Variants in ZNF483 observed in about 807,000 individuals in gnomAD.
ZNF483 encodes zinc finger protein 483.
Under a neutral mutation model 28.6 loss-of-function variants are expected in ZNF483, and 9 were observed. The ratio of observed to expected loss-of-function variants is 0.32; its 90% CI spans 0.19 to 0.55. The LOEUF (loss-of-function observed/expected upper bound fraction) is 0.55, where lower values mean the gene tolerates loss of function less well. ZNF483 is among the 20% of genes least tolerant of loss of function. The pLI, the probability that ZNF483 is intolerant of heterozygous loss-of-function variation, is 0.93. For synonymous variants in ZNF483, 322 were observed against 306.2 expected, an observed-to-expected ratio of 1.05 and a Z score of -0.54; for missense variants, 675 against 871.7, an observed-to-expected ratio of 0.77 and a Z score of 2.84.
chr9:111,541,627 A>C (rs1454505336), intron 5 of ZNF483, 30 bp from the exon 6 acceptor site: 2 of 1,539,378 alleles, frequency 1.3e-6, no homozygotes, highest in East Asian at 4.5e-5. Context: ...TCTTGCAAAC[A>C]GGAAATATTC....
In ZNF483 at chr9:111,543,029, A is replaced by C; in HGVS notation, c.2094A>C (p.Ala698=). ...CCTATGAGTGTAACTATTGTGGTGCAACCTTTAGTCGAAGCTCAATCCTTG... is the reference window on the plus strand; with the variant it reads ...CCTATGAGTGTAACTATTGTGGTGCCACCTTTAGTCGAAGCTCAATCCTTG... ...EKPYECNYCG[A]TFSRSSILVE... The change falls in exon 6 of 6, where the codon GCA becomes GCC. Residue 698 remains alanine (A), a synonymous_variant. Coordinates refer to ENST00000309235, the MANE Select transcript of ZNF483 (RefSeq NM_133464.5). 1.2e-6 allele frequency: 2 copies of C among 1,614,206 alleles called. No homozygotes were observed.
intron 5 of ZNF483, chr9:111,539,349 G>A (rs1002682378): frequency 2.3e-6 from 1 of 427,514 alleles, no homozygotes; most frequent in South Asian, 1.7e-5. Context: ...ACCAGAGATA[G>A]TACTCAGGGG....
chr9:111,525,621 G>A (rs1401960163), intron 1 of ZNF483, among the ~76,000 whole-genome samples: 3 of 152,172 alleles, frequency 2.0e-5, no homozygotes, highest in African/African-American at 7.2e-5. Flanking sequence ...CCAAAAATGT[G>A]TCCAGACATT....
At position 111,553,633 on chromosome 9, in the gene ZNF483, G is replaced by T. The variant is rs1016521101; in HGVS notation, c.*10463G>T. Among the ~76,000 whole-genome samples the T allele has an allele frequency of 2.6e-5, 4 of 152,202 alleles. No individual in the cohort carries two copies. The highest frequency in any genetic ancestry group is 2.6e-4 in the Admixed American group (4 of 15,278). On this transcript the variant is annotated 3_prime_UTR_variant, in exon 6 of 6. Transcript: ENST00000309235. ...ATGTGTAACACTAGTGATAATGCAC[G>T]TTCCTGTACAAGCATTATAATACAA...
chr9:111,538,110 A>G (rs147620559), intron 5 of ZNF483, among the ~76,000 whole-genome samples: 4 of 150,742 alleles, frequency 2.7e-5, no homozygotes, highest in African/African-American at 9.8e-5. Context: ...AATACATGAC[A>G]TACATTTTTG....
chr9:111,561,050 T>C (rs867939954), intron 5 of ZNF483, among the ~76,000 whole-genome samples: 12 of 58,932 alleles, frequency 2.0e-4, no homozygotes, highest in Middle Eastern at 0.014. Context: ...ACCACTGCAC[T>C]CCAGCCTGGG....
chr9:111,563,084 C>A (rs778275442), intron 5 of ZNF483: 2 of 1,602,758 alleles, frequency 1.2e-6, no homozygotes, highest in Admixed American at 3.5e-5. Context: ...ATTAACTAAT[C>A]ATCTAAATGG....
At position 111,547,910 on chromosome 9, in the gene ZNF483, A is replaced by C. The variant is rs904310743; in HGVS notation, c.*4740A>C. ...CCTTTCCACATCATGTATTCTTTGC[A>C]CTCTTGTCAAAGATCATTTGACCAT... On this transcript the variant is annotated 3_prime_UTR_variant, in exon 6 of 6. Transcript: ENST00000309235. 6.6e-6 allele frequency among the ~76,000 whole-genome samples: 1 copy of C among 151,818 alleles called. No homozygotes were observed. Among genetic ancestry groups the C allele is most frequent in the Non-Finnish European group, 1.5e-5 (1 of 67,952 alleles).
chr9:111,571,625 A>G (rs1828825188), intron 5 of ZNF483, among the ~76,000 whole-genome samples: 1 of 151,776 alleles, frequency 6.6e-6, no homozygotes, highest in Non-Finnish European at 1.5e-5. Context: ...CTATAGGTGC[A>G]TGCCACCACA....
At chr9:111,573,623 A>G (rs990945186) in intron 5 of ZNF483, among the ~76,000 whole-genome samples, 5 of 152,118 alleles carry the variant, frequency 3.3e-5, no homozygotes, top group African/African-American at 1.2e-4. Context: ...TCTTAATAGC[A>G]CAGAATCACT....
At chr9:111,555,808 A>G (rs1828105576), downstream of ZNF483, among the ~76,000 whole-genome samples, 1 of 152,202 alleles carries the variant, frequency 6.6e-6, no homozygotes, top group African/African-American at 2.4e-5. Flanking sequence ...ATTGTGGATT[A>G]TAGTTCAACA....
chr9:111,544,307 C>T lies in ZNF483; in HGVS notation c.*1137C>T, dbSNP rs1827750903. The T allele has an allele frequency of 5.1e-6, 5 of 985,118 alleles. No individual in the cohort carries two copies. Among genetic ancestry groups the T allele is most frequent in the Non-Finnish European group, 6.0e-6 (5 of 829,906 alleles). 61.0% of individuals were successfully genotyped at this position (985,118 alleles called of 1,614,324 possible). A position where few individuals can be genotyped will look rare whatever the true frequency, so the allele number is the denominator to read the frequency against. On this transcript the variant is annotated 3_prime_UTR_variant, in exon 6 of 6. Transcript: ENST00000309235. The stretch of plus-strand genomic sequence containing the variant: ...GGAGTGTAAACATTCTGTGTGGCAA[C>T]AGTTAAAAGCTGTTATAACAATTTG...
rs1554814319 is a variant in ZNF483 at position 111,544,372 on chromosome 9, GTA to G, written c.*1205_*1206del. The G allele has an allele frequency of 5.3e-6, 5 of 944,082 alleles. No individual in the cohort carries two copies. In the South Asian group the frequency reaches 2.5e-4, roughly 47 times the overall value. The allele number at this position is 944,082 out of a possible 1,614,324, so 58.5% of individuals were successfully genotyped here. Reference sequence around the variant, plus strand: ...CATGTGTGTGTGTGTGTGTGTGTGTGTATACATTGTTGCCACTATCTAAAATT... The same window carrying G: ...CATGTGTGTGTGTGTGTGTGTGTGTGTACATTGTTGCCACTATCTAAAATT... On this transcript the variant is annotated 3_prime_UTR_variant, in exon 6 of 6. Transcript: ENST00000309235.
At chr9:111,577,704 G>T (rs889178397) in exon 6 of ZNF483, 2 of 152,090 alleles carry the variant, frequency 1.3e-5, no homozygotes, top group African/African-American at 4.8e-5. Flanking sequence ...AATTAGTTGC[G>T]TGTGGTGGCA....
intron 5 of ZNF483, among the ~76,000 whole-genome samples, chr9:111,572,567 G>A (rs1452652030): frequency 2.0e-5 from 3 of 151,960 alleles, no homozygotes; most frequent in Non-Finnish European, 4.4e-5. Context: ...TCCAGCCTGG[G>A]CGACAGAGTG....
intron 4 of ZNF483, 40 bp from the exon 5 acceptor site, chr9:111,534,219 CTA>C (rs770658455): frequency 6.5e-7 from 1 of 1,531,820 alleles, no homozygotes; most frequent in Non-Finnish European, 9.0e-7. Context: ...TATCTTTACT[CTA>C]TGCAAAACAG....
At chr9:111,531,759 G>A (rs982271441) in intron 3 of ZNF483, among the ~76,000 whole-genome samples, 3 of 152,160 alleles carry the variant, frequency 2.0e-5, no homozygotes, top group Non-Finnish European at 4.4e-5. Flanking sequence ...ATAGCTCACT[G>A]CAACCTTGAA....
intron 5 of ZNF483, among the ~76,000 whole-genome samples, chr9:111,561,250 C>T (rs925929645): frequency 2.0e-5 from 3 of 149,674 alleles, no homozygotes; most frequent in Admixed American, 1.3e-4. Context: ...TTGTGTTCAT[C>T]AGTAATGTTG....
rs1219386354 is a variant in ZNF483, at chr9:111,569,960, C to T, written c.722-6405C>T. On this transcript the variant is annotated intron_variant, in intron 5 of 5. Transcript: ENST00000358151. ...AAAGTAAGAATATTTATACTCTAAGCACAATGACCCAATAGGGAAAAACTG... is the reference window on the plus strand; with the variant it reads ...AAAGTAAGAATATTTATACTCTAAGTACAATGACCCAATAGGGAAAAACTG... 2.1e-6 allele frequency: 3 copies of T among 1,405,556 alleles called. 1 individual carries two copies. Among genetic ancestry groups the T allele is most frequent in the South Asian group, 2.5e-5 (2 of 78,868 alleles). 87.1% of individuals were successfully genotyped at this position (1,405,556 alleles called of 1,614,324 possible).
Sources: gnomAD v4.1 joint callset for allele counts (sites outside exome capture counted in the v4.1 genomes callset) on GRCh38, gnomAD v4.1.1 for gene constraint, MANE v1.5 for transcripts, NCBI Gene and HGNC (gene_info 2026-07-23, HGNC 2026-07-21) for gene names.